TENM1: variants seen among roughly 807,000 people sequenced by gnomAD.
TENM1 encodes the protein teneurin transmembrane protein 1.
A neutral mutation model predicts 174.8 loss-of-function variants in TENM1; 35 were observed. The observed-to-expected ratio is 0.20, with a 90% CI of 0.15 to 0.27. The LOEUF is 0.27. Among genes scored for constraint, TENM1 ranks in the 10% least tolerant of loss-of-function variants. TENM1 has a pLI of 1.00. For missense variants in TENM1, 1,633 were observed against 2,130.1 expected, an observed-to-expected ratio of 0.77 and a Z score of 4.59; for synonymous variants, 781 against 798.7, an observed-to-expected ratio of 0.98 and a Z score of 0.37.
intron 1 of TENM1, among the ~76,000 whole-genome samples, chrX:124,960,828 C>T (rs2058641790): frequency 8.9e-6 from 1 of 111,952 alleles, no homozygotes; most frequent in African/African-American, 3.2e-5. Context: ...GAGAACTAGG[C>T]ATTTCCTAAA....
chrX:124,779,978 A>G (rs1374393717), intron 3 of TENM1, among the ~76,000 whole-genome samples: 1 of 111,839 alleles, frequency 8.9e-6, no homozygotes, highest in Non-Finnish European at 1.9e-5. Flanking sequence ...TTATTTTAAT[A>G]TAAGTTATTT....
the TENM1 span, among the ~76,000 whole-genome samples, chrX:125,005,914 C>T: frequency 2.7e-5 from 3 of 111,515 alleles, no homozygotes; most frequent in African/African-American, 9.8e-5. Context: ...ACCACTAGAG[C>T]CCCAGGTTTT....
chrX:125,109,652 G>A, the TENM1 span, among the ~76,000 whole-genome samples: 3 of 111,282 alleles, frequency 2.7e-5, no homozygotes, highest in Non-Finnish European at 5.7e-5. Context: ...GAGAAACATG[G>A]TTTTTCTCTG....
chrX:124,725,752 C>A (rs1430204292), intron 4 of TENM1, among the ~76,000 whole-genome samples: 2 of 112,503 alleles, frequency 1.8e-5, no homozygotes, highest in African/African-American at 6.5e-5. Context: ...CACATACACA[C>A]ACACACGTGC....
chrX:124,464,239 T>G (rs1348436540), intron 22 of TENM1, among the ~76,000 whole-genome samples: 2 of 111,356 alleles, frequency 1.8e-5, no homozygotes, highest in Non-Finnish European at 3.8e-5. Context: ...AGCAAAAAAC[T>G]AATTGCAGTT....
chrX:124,543,011 C>T (rs2048354063), intron 15 of TENM1, among the ~76,000 whole-genome samples: 1 of 112,097 alleles, frequency 8.9e-6, no homozygotes, highest in African/African-American at 3.2e-5. Context: ...AAGATCTTTC[C>T]TTGGAAAGCT....
intron 1 of TENM1, among the ~76,000 whole-genome samples, chrX:124,958,608 G>T (rs753528355): frequency 9.0e-6 from 1 of 111,379 alleles, no homozygotes; most frequent in East Asian, 2.8e-4. Context: ...CATAGGTATG[G>T]AAGACAGTGT....
chrX:124,620,564 T>A (rs1169450488), intron 11 of TENM1, among the ~76,000 whole-genome samples: 1 of 112,139 alleles, frequency 8.9e-6, no homozygotes, highest in Non-Finnish European at 1.9e-5. Flanking sequence ...TATATAATAT[T>A]CCAAATGCAC....
At chrX:124,945,044 G>GA (rs1376471613) in intron 1 of TENM1, among the ~76,000 whole-genome samples, 6 of 110,784 alleles carry the variant, frequency 5.4e-5, no homozygotes, top group Non-Finnish European at 1.1e-4. Context: ...ACTATGGAAA[G>GA]AAAAAAGCAG....
At chrX:124,768,896 A>G (rs1240947870) in intron 3 of TENM1, among the ~76,000 whole-genome samples, 2 of 112,438 alleles carry the variant, frequency 1.8e-5, no homozygotes, top group Admixed American at 9.4e-5. Flanking sequence ...GATTACTTGT[A>G]GAAATCACAA....
the TENM1 span, among the ~76,000 whole-genome samples, chrX:125,078,180 C>A: frequency 0.015 from 1,662 of 111,477 alleles, 8 homozygotes; most frequent in Middle Eastern, 0.073. Flanking sequence ...AAGTATTCTA[C>A]AAAGAAGCTT....
intron 14 of TENM1, among the ~76,000 whole-genome samples, chrX:124,560,004 G>T (rs1425639910): frequency 2.7e-5 from 3 of 110,473 alleles, no homozygotes; most frequent in Non-Finnish European, 3.8e-5. Context: ...ATGAAGATGT[G>T]CCAGGTAAAA....
chrX:125,049,719 C>G, the TENM1 span, among the ~76,000 whole-genome samples: 1 of 111,296 alleles, frequency 9.0e-6, no homozygotes, highest in Non-Finnish European at 1.9e-5. Flanking sequence ...TTATAGCCAT[C>G]CTCCTATGTG....
intron 1 of TENM1, among the ~76,000 whole-genome samples, chrX:124,918,848 A>AT (rs1419168553): frequency 9.0e-6 from 1 of 111,689 alleles, no homozygotes; most frequent in African/African-American, 3.3e-5. Context: ...AATATTGGCA[A>AT]TTTTTTAAAA....
chrX:124,824,729 A>G (rs1279839758), intron 3 of TENM1, among the ~76,000 whole-genome samples: 1 of 112,169 alleles, frequency 8.9e-6, no homozygotes, highest in Non-Finnish European at 1.9e-5. Flanking sequence ...ACCACTCTTA[A>G]CCACTGCAAA....
chrX:125,057,487 AG>A, the TENM1 span, among the ~76,000 whole-genome samples: 1 of 111,289 alleles, frequency 9.0e-6, no homozygotes, highest in Non-Finnish European at 1.9e-5. Context: ...GGAGGAAAAA[AG>A]TAAAGTAGTT....
intron 3 of TENM1, among the ~76,000 whole-genome samples, chrX:124,869,062 CAAA>C (rs146594515): frequency 7.6e-5 from 4 of 52,784 alleles, no homozygotes; most frequent in Admixed American, 4.6e-4. Flanking sequence ...CCGTCTCTAC[CAAA>C]AAAAAAAAAA....
intron 3 of TENM1, among the ~76,000 whole-genome samples, chrX:124,867,857 T>C (rs2057036052): frequency 9.0e-6 from 1 of 111,461 alleles, no homozygotes; most frequent in African/African-American, 3.3e-5. Context: ...CATTCCTAAA[T>C]AGAAATCACA....
intron 15 of TENM1, among the ~76,000 whole-genome samples, chrX:124,543,193 A>G (rs1392377459): frequency 8.9e-6 from 1 of 112,651 alleles, no homozygotes; most frequent in African/African-American, 3.2e-5. Flanking sequence ...GTGCCCATGC[A>G]TCCTAGGTTG....
Sources: allele counts gnomAD v4.1 joint callset (sites outside exome capture counted in the v4.1 genomes callset), GRCh38; gene constraint gnomAD v4.1.1; transcripts MANE v1.5; gene names NCBI Gene and HGNC (gene_info 2026-07-23, HGNC 2026-07-21).